GRID2: variants seen among roughly 807,000 people sequenced by gnomAD.
The protein encoded by GRID2 is glutamate receptor ionotropic, delta-2.
A neutral mutation model predicts 114.8 loss-of-function variants in GRID2; 33 were observed. That is an observed-to-expected ratio of 0.29 (90% CI 0.22 to 0.38). GRID2 has a LOEUF of 0.38. Among genes scored for constraint, GRID2 ranks in the 10% least tolerant of loss-of-function variants. GRID2 has a pLI of 1.00. For synonymous variants in GRID2, 505 were observed against 449.9 expected, an observed-to-expected ratio of 1.12 and a Z score of -1.55; for missense variants, 1,184 against 1,257.7, an observed-to-expected ratio of 0.94 and a Z score of 0.89.
At chr4:92,983,820 G>C (rs901301138) in intron 2 of GRID2, among the ~76,000 whole-genome samples, 1 of 152,052 alleles carries the variant, frequency 6.6e-6, no homozygotes, top group Non-Finnish European at 1.5e-5. Flanking sequence ...ATAAAGGTAG[G>C]AAGGCTTTAC....
chr4:92,529,105 G>A (rs1183136917), intron 1 of GRID2, among the ~76,000 whole-genome samples: 1 of 152,052 alleles, frequency 6.6e-6, no homozygotes, highest in African/African-American at 2.4e-5. Flanking sequence ...GGTCGGGGAT[G>A]GGAGGGCTAT....
intron 2 of GRID2, among the ~76,000 whole-genome samples, chr4:92,887,831 T>C (rs1458192911): frequency 6.6e-6 from 1 of 152,212 alleles, no homozygotes; most frequent in Non-Finnish European, 1.5e-5. Flanking sequence ...CCTTAAGTTC[T>C]GGCTGAACTG....
At chr4:93,193,763 C>G (rs981683958) in intron 4 of GRID2, among the ~76,000 whole-genome samples, 3 of 152,146 alleles carry the variant, frequency 2.0e-5, no homozygotes, top group African/African-American at 7.2e-5. Context: ...TTTCAGTAAA[C>G]TATGATACAT....
At chr4:92,320,295 C>T (rs1313804407) in intron 1 of GRID2, among the ~76,000 whole-genome samples, 1 of 152,062 alleles carries the variant, frequency 6.6e-6, no homozygotes, top group Non-Finnish European at 1.5e-5. Flanking sequence ...CTTTTTCTAG[C>T]TTTTCCTCAA....
intron 14 of GRID2, among the ~76,000 whole-genome samples, chr4:93,753,011 A>G (rs1390976594): frequency 6.6e-6 from 1 of 152,160 alleles, no homozygotes; most frequent in Non-Finnish European, 1.5e-5. Context: ...GGGTAGGACA[A>G]GAAGGGAGAG....
At chr4:92,846,873 A>C (rs1257923443) in intron 2 of GRID2, among the ~76,000 whole-genome samples, 1 of 152,082 alleles carries the variant, frequency 6.6e-6, no homozygotes, top group Non-Finnish European at 1.5e-5. Flanking sequence ...TATGCTATTT[A>C]CAAAGGAGGA....
At chr4:92,924,723 T>G (rs1420772185) in intron 2 of GRID2, among the ~76,000 whole-genome samples, 2 of 152,184 alleles carry the variant, frequency 1.3e-5, no homozygotes, top group African/African-American at 4.8e-5. Context: ...CATGCATCTT[T>G]AAGAGTCTGA....
At chr4:92,314,723 A>G (rs1478749009) in intron 1 of GRID2, among the ~76,000 whole-genome samples, 1 of 152,168 alleles carries the variant, frequency 6.6e-6, no homozygotes, top group Admixed American at 6.5e-5. Context: ...AATGAACTTA[A>G]TGTTTACATT....
In GRID2 at chr4:92,572,550, C is replaced by T. The variant is rs918664301; in HGVS notation, c.89-17581C>T. On this transcript the variant is annotated intron_variant, in intron 1 of 15. Transcript: ENST00000282020. Reference sequence around the variant, plus strand: ...ACTCATTTTAAGAGGCCAGCATCATCCTGATACCAAAGCCTGGCAGAGATA... The same window carrying T: ...ACTCATTTTAAGAGGCCAGCATCATTCTGATACCAAAGCCTGGCAGAGATA... Among the ~76,000 whole-genome samples the T allele has an allele frequency of 2.6e-5, 4 of 152,034 alleles. No homozygotes were observed. In the East Asian group the frequency reaches 7.7e-4, roughly 29 times the overall value.
At chr4:92,487,680 C>G (rs978710769) in intron 1 of GRID2, among the ~76,000 whole-genome samples, 1 of 152,052 alleles carries the variant, frequency 6.6e-6, no homozygotes, top group African/African-American at 2.4e-5. Context: ...CTAATTTTCT[C>G]TTGGTCTTTC....
chr4:92,607,926 A>G (rs1729536517), intron 2 of GRID2, among the ~76,000 whole-genome samples: 1 of 151,900 alleles, frequency 6.6e-6, no homozygotes, highest in South Asian at 2.1e-4. Context: ...TGTGAAGGAG[A>G]AACAAAATAC....
At chr4:92,842,866 T>C (rs772538764) in intron 2 of GRID2, among the ~76,000 whole-genome samples, 8 of 151,906 alleles carry the variant, frequency 5.3e-5, no homozygotes, top group African/African-American at 4.8e-5. Flanking sequence ...ACATCAGGTG[T>C]GGTAAGAAAT....
intron 2 of GRID2, among the ~76,000 whole-genome samples, chr4:92,837,041 G>T (rs1279737979): frequency 6.6e-6 from 1 of 152,118 alleles, no homozygotes; most frequent in East Asian, 1.9e-4. Context: ...CAATGACTGA[G>T]ACTGTGAGAG....
At chr4:92,473,240 T>G (rs1722130154) in intron 1 of GRID2, among the ~76,000 whole-genome samples, 1 of 152,110 alleles carries the variant, frequency 6.6e-6, no homozygotes, top group Non-Finnish European at 1.5e-5. Context: ...CCATTCTACT[T>G]TATTGCTTTA....
intron 2 of GRID2, among the ~76,000 whole-genome samples, chr4:92,849,233 T>C (rs1486294649): frequency 6.6e-6 from 1 of 151,930 alleles, no homozygotes; most frequent in African/African-American, 2.4e-5. Context: ...GCATCTTGAG[T>C]ACTATAATTT....
chr4:92,983,286 T>C (rs1325777904), intron 2 of GRID2, among the ~76,000 whole-genome samples: 1 of 152,106 alleles, frequency 6.6e-6, no homozygotes, highest in East Asian at 1.9e-4. Context: ...GAGGAACTTT[T>C]TACTGTGTCA....
intron 13 of GRID2, among the ~76,000 whole-genome samples, chr4:93,535,270 A>ACACACC (rs1201062127): frequency 4.4e-5 from 6 of 136,994 alleles, no homozygotes; most frequent in African/African-American, 1.6e-4. Context: ...ACACACACAC[A>ACACACC]CCACATTTTC....
At chr4:93,212,353 A>G (rs1318597202) in intron 5 of GRID2, among the ~76,000 whole-genome samples, 1 of 152,084 alleles carries the variant, frequency 6.6e-6, no homozygotes, top group Non-Finnish European at 1.5e-5. Context: ...TATTTTTTTC[A>G]TTTGCATTAA....
At chr4:92,745,536 A>G (rs1397879252) in intron 2 of GRID2, among the ~76,000 whole-genome samples, 2 of 152,160 alleles carry the variant, frequency 1.3e-5, no homozygotes, top group Admixed American at 6.5e-5. Context: ...GATAATGTCT[A>G]AATATTTAAG....
Sources: gnomAD v4.1 joint callset for allele counts (sites outside exome capture counted in the v4.1 genomes callset) on GRCh38, gnomAD v4.1.1 for gene constraint, MANE v1.5 for transcripts, NCBI Gene and HGNC (gene_info 2026-07-23, HGNC 2026-07-21) for gene names.